BRAF: variants seen among roughly 807,000 people sequenced by gnomAD.
BRAF encodes the protein serine/threonine-protein kinase B-raf.
In BRAF, 16 loss-of-function variants were observed where a neutral mutation model predicts 104.6. The observed-to-expected ratio is 0.15, with a 90% CI of 0.10 to 0.23. BRAF has a LOEUF of 0.23. BRAF is among the 10% of genes least tolerant of loss of function. The probability of loss-of-function intolerance (pLI) is 1.00; values close to 1 mark genes in which losing one functional copy is unlikely to be tolerated. For missense variants in BRAF, 541 were observed against 937.3 expected (o/e 0.58, Z 5.52); for synonymous variants, 310 against 341.6 (o/e 0.91, Z 1.02).
At chr7:140,761,349 G>A (rs565150059) in intron 14 of BRAF, among the ~76,000 whole-genome samples, 2 of 152,048 alleles carry the variant, frequency 1.3e-5, no homozygotes, top group East Asian at 3.9e-4. Context: ...GAGAGATTTT[G>A]CCACCCCCAG....
At chr7:140,896,472 TA>T (rs1381897467) in intron 1 of BRAF, among the ~76,000 whole-genome samples, 4 of 152,066 alleles carry the variant, frequency 2.6e-5, no homozygotes, top group Admixed American at 2.6e-4. Context: ...CTCACACCTG[TA>T]ATCCCAACAC....
chr7:140,780,214 A>C (rs919600414), intron 12 of BRAF: 5 of 151,776 alleles, frequency 3.3e-5, no homozygotes, highest in African/African-American at 1.2e-4. Context: ...GTGAAAAGAT[A>C]GATTAAGGAG....
At chr7:140,865,080 A>T (rs970873044) in intron 1 of BRAF, among the ~76,000 whole-genome samples, 10 of 144,752 alleles carry the variant, frequency 6.9e-5, no homozygotes, top group African/African-American at 1.8e-4. Flanking sequence ...GAGGAAATGA[A>T]TTTTTTTTTT....
chr7:140,858,140 T>C (rs941186561), intron 1 of BRAF, among the ~76,000 whole-genome samples: 2 of 152,170 alleles, frequency 1.3e-5, no homozygotes, highest in African/African-American at 4.8e-5. Flanking sequence ...GATACTTACA[T>C]AGTGCCAAAG....
At chr7:140,863,160 G>A (rs1287869589) in intron 1 of BRAF, among the ~76,000 whole-genome samples, 1 of 151,426 alleles carries the variant, frequency 6.6e-6, no homozygotes, top group Non-Finnish European at 1.5e-5. Flanking sequence ...CATTTATAAA[G>A]ATAAAACAAA....
chr7:140,753,719 T>C (rs1797972243), intron 15 of BRAF: 1 of 310,580 alleles, frequency 3.2e-6, no homozygotes, highest in East Asian at 7.9e-5. Flanking sequence ...TTGGCACTCC[T>C]GGGCGAGCAG....
rs569978765 is a variant in BRAF at position 140,867,525 on chromosome 7, C to T, written c.139-17313G>A. On this transcript the variant is annotated intron_variant, in intron 1 of 19. Transcript: ENST00000644969. ...TACATTCTAGTTAAGGGAAGATAAA[C>T]GCTAAAAAAAAAAACAGACAATGTC... is the stretch of plus-strand genomic sequence containing the variant. Among the ~76,000 whole-genome samples, 251 of 143,948 alleles carry T rather than the reference C, an allele frequency of 1.7e-3. 1 individual carries two copies. Among genetic ancestry groups the T allele is most frequent in the Non-Finnish European group, 3.1e-3 (208 of 67,150 alleles). The allele number at this position is 143,948 out of a possible 152,430, so 94.4% of individuals were successfully genotyped here. A position where few individuals can be genotyped will look rare whatever the true frequency, so the allele number is the denominator to read the frequency against.
intron 16 of BRAF, among the ~76,000 whole-genome samples, chr7:140,750,307 G>A (rs1797684759): frequency 6.6e-6 from 1 of 152,176 alleles, no homozygotes; most frequent in African/African-American, 2.4e-5. Flanking sequence ...TGAAAGACCT[G>A]GGACAAGATT....
rs1345467115 is a variant in BRAF at position 140,749,602 on chromosome 7, G to T, written c.1981-184C>A. Among the ~76,000 whole-genome samples, 3 of 152,122 alleles carry T rather than the reference G, an allele frequency of 2.0e-5. No homozygotes were observed. The East Asian group carries it at 5.8e-4, about 29-fold the overall frequency. The stretch of plus-strand genomic sequence containing the variant: ...GAAGAAAAAAACCTCTACATACTCA[G>T]AAAGAGACAGTATTAGCAGAGATTT... On this transcript the variant is annotated intron_variant, in intron 16 of 19. Coordinates refer to ENST00000644969, the MANE Select transcript of BRAF (RefSeq NM_001374258.1).
In BRAF at chr7:140,723,456, AG is replaced by A. The variant is rs1795423695; in HGVS notation, c.*3037del. ...TAGATCTCAAATACAATCAGGGGTGAGATATTCGGGAACCAGAATTTGACAG... is the reference window on the plus strand; with the variant it reads ...TAGATCTCAAATACAATCAGGGGTGAATATTCGGGAACCAGAATTTGACAG... On this transcript the variant is annotated 3_prime_UTR_variant, in exon 20 of 20. Coordinates refer to ENST00000644969, the MANE Select transcript of BRAF (RefSeq NM_001374258.1). 9.5e-7 allele frequency: 1 copy of A among 1,054,280 alleles called. No individual in the cohort carries two copies. Among genetic ancestry groups the A allele is most frequent in the Non-Finnish European group, 1.1e-6 (1 of 872,720 alleles). The allele number at this position is 1,054,280 out of a possible 1,614,324, so 65.3% of individuals were successfully genotyped here. A position where few individuals can be genotyped will look rare whatever the true frequency, so the allele number is the denominator to read the frequency against.
intron 19 of BRAF, chr7:140,734,250 G>A (rs1796199002): frequency 8.3e-7 from 1 of 1,211,212 alleles, no homozygotes. Flanking sequence ...GGAGTCCCTA[G>A]TGGACATGTG....
intron 14 of BRAF, among the ~76,000 whole-genome samples, chr7:140,759,682 G>A (rs1056371246): frequency 3.2e-4 from 49 of 152,162 alleles, no homozygotes; most frequent in African/African-American, 6.0e-4. Context: ...CACCACACCC[G>A]GCCCTGATTA....
intron 1 of BRAF, among the ~76,000 whole-genome samples, chr7:140,915,292 C>T (rs780282830): frequency 4.4e-4 from 67 of 151,974 alleles, no homozygotes; most frequent in Non-Finnish European, 8.1e-4. Flanking sequence ...TTCAAAGTAT[C>T]CTAACATTTT....
At chr7:140,897,609 C>T (rs956253880) in intron 1 of BRAF, among the ~76,000 whole-genome samples, 1 of 150,314 alleles carries the variant, frequency 6.7e-6, no homozygotes, top group African/African-American at 2.5e-5. Flanking sequence ...ATTCTCCTGC[C>T]TCAGGCTATC....
chr7:140,718,981 G>C (rs1795200912), downstream of BRAF, among the ~76,000 whole-genome samples: 1 of 152,192 alleles, frequency 6.6e-6, no homozygotes, highest in South Asian at 2.1e-4. Flanking sequence ...AGTTTCTGCA[G>C]ATAAACTTTA....
At chr7:140,868,161 T>C (rs943386456) in intron 1 of BRAF, among the ~76,000 whole-genome samples, 10 of 152,168 alleles carry the variant, frequency 6.6e-5, no homozygotes, top group East Asian at 1.9e-4. Flanking sequence ...AGTGTGCTCA[T>C]TGACCCAAGC....
At position 140,726,206 on chromosome 7, in the gene BRAF, T is replaced by C. The variant is rs1314320779; in HGVS notation, c.*288A>G. 5 of 1,243,570 alleles carry C rather than the reference T, an allele frequency of 4.0e-6. No homozygotes were observed. Among genetic ancestry groups the C allele is most frequent in the Non-Finnish European group, 5.0e-6 (5 of 992,648 alleles). The allele number at this position is 1,243,570 out of a possible 1,614,324, so 77.0% of individuals were successfully genotyped here. A position where few individuals can be genotyped will look rare whatever the true frequency, so the allele number is the denominator to read the frequency against. On this transcript the variant is annotated 3_prime_UTR_variant, in exon 20 of 20. Coordinates refer to ENST00000644969, the MANE Select transcript of BRAF (RefSeq NM_001374258.1). ...AGTTTCTTTCCATCATGCCTGACCA[T>C]CAAAAGGTCAGAATTCAGGGTCTCT...
At chr7:140,715,956 G>C (rs187643102), downstream of BRAF, among the ~76,000 whole-genome samples, 12 of 152,310 alleles carry the variant, frequency 7.9e-5, no homozygotes, top group Admixed American at 2.6e-4. Context: ...CTGCTGTCTT[G>C]TTCTAGGCGG....
In BRAF at chr7:140,720,449, C is replaced by G; in HGVS notation, c.*6045G>C. ...ATAAAGGCTAGCCACTTACGTTGGT[C>G]ATTAACATGAATAAAAAGGCATTAT... On this transcript the variant is annotated 3_prime_UTR_variant, in exon 20 of 20. Coordinates refer to ENST00000644969, the MANE Select transcript of BRAF (RefSeq NM_001374258.1). 9.4e-7 allele frequency: 1 copy of G among 1,063,100 alleles called. No individual in the cohort carries two copies. The highest frequency in any genetic ancestry group is 4.6e-5 in the South Asian group (1 of 21,940). The allele number at this position is 1,063,100 out of a possible 1,614,324, so 65.9% of individuals were successfully genotyped here. A position where few individuals can be genotyped will look rare whatever the true frequency, so the allele number is the denominator to read the frequency against.
Sources: gnomAD v4.1 joint callset for allele counts (sites outside exome capture counted in the v4.1 genomes callset) on GRCh38, gnomAD v4.1.1 for gene constraint, MANE v1.5 for transcripts, NCBI Gene and HGNC (gene_info 2026-07-23, HGNC 2026-07-21) for gene names.